The following ASTN1 variants were observed in gnomAD, a reference collection of about 807,000 sequenced individuals.
ASTN1 encodes astrotactin-1.
ASTN1 carries 41 observed loss-of-function variants against 140.7 expected under a neutral mutation model. The observed-to-expected ratio is 0.29, with a 90% CI of 0.23 to 0.38. The LOEUF (loss-of-function observed/expected upper bound fraction) is 0.38. Among genes scored for constraint, ASTN1 ranks in the 10% least tolerant of loss-of-function variants. The pLI is 1.00. For synonymous variants in ASTN1, 640 were observed against 652.2 expected (o/e 0.98, Z 0.29); for missense variants, 1,479 against 1,678.8 (o/e 0.88, Z 2.08).
At chr1:177,072,563 T>C (rs1678694586) in intron 1 of ASTN1, among the ~76,000 whole-genome samples, 1 of 152,194 alleles carries the variant, frequency 6.6e-6, no homozygotes, top group South Asian at 2.1e-4. Context: ...ACAAGGTCAC[T>C]TGATTGCTAA....
chr1:176,917,991 G>A (rs1557958863), intron 16 of ASTN1, among the ~76,000 whole-genome samples: 1 of 152,092 alleles, frequency 6.6e-6, no homozygotes, highest in South Asian at 2.1e-4. Context: ...AGCTTTTGCA[G>A]TTATAGTACT....
In ASTN1 at chr1:177,085,750, C is replaced by T. The variant is rs748167481; in HGVS notation, c.284-24485G>A. On this transcript the variant is annotated intron_variant, in intron 1 of 22. Transcript: ENST00000361833. ...CAATTGTTGGCACAGAGGAAGCATG[C>T]GTACATGTGTGGTTCCCTGGTTTTC... 6.2e-4 allele frequency among the ~76,000 whole-genome samples: 94 copies of T among 152,156 alleles called. 2 individuals carry two copies. The highest frequency in any genetic ancestry group is 9.8e-4 in the Non-Finnish European group (67 of 68,030).
At chr1:176,984,435 G>A (rs1309169912) in intron 8 of ASTN1, among the ~76,000 whole-genome samples, 2 of 152,186 alleles carry the variant, frequency 1.3e-5, no homozygotes, top group Non-Finnish European at 2.9e-5. Flanking sequence ...TAGTGAGGTT[G>A]CCATCGCACT....
At chr1:177,109,791 C>T (rs560328272) in intron 1 of ASTN1, among the ~76,000 whole-genome samples, 3 of 152,302 alleles carry the variant, frequency 2.0e-5, no homozygotes, top group African/African-American at 7.2e-5. Context: ...GAAGATCTCT[C>T]ATGGGTCCTT....
intron 2 of ASTN1, among the ~76,000 whole-genome samples, chr1:177,044,499 C>T (rs1026430033): frequency 6.6e-6 from 1 of 152,184 alleles, no homozygotes; most frequent in African/African-American, 2.4e-5. Context: ...GGACCTCGGG[C>T]GCAGGCCTGG....
intron 1 of ASTN1, among the ~76,000 whole-genome samples, chr1:177,154,405 G>A (rs77662597): frequency 0.053 from 8,022 of 152,138 alleles, 248 homozygotes; most frequent in Non-Finnish European, 0.061. Flanking sequence ...TTCCTCGGTC[G>A]TACTAACTAT....
chr1:177,159,685 A>G (rs1388934763), intron 1 of ASTN1, among the ~76,000 whole-genome samples: 1 of 152,246 alleles, frequency 6.6e-6, no homozygotes, highest in Non-Finnish European at 1.5e-5. Context: ...AGCTAAAACC[A>G]CATTACCTTC....
chr1:177,074,442 A>G (rs1678791838), intron 1 of ASTN1, among the ~76,000 whole-genome samples: 1 of 152,178 alleles, frequency 6.6e-6, no homozygotes, highest in Non-Finnish European at 1.5e-5. Flanking sequence ...ATCTAAGTCG[A>G]TCTCCTTGAT....
chr1:176,961,634 T>G (rs547622245), intron 9 of ASTN1, among the ~76,000 whole-genome samples: 37 of 152,366 alleles, frequency 2.4e-4, no homozygotes, highest in African/African-American at 7.2e-4. Context: ...TCCCAGCAGC[T>G]TTCTAGTTCA....
At chr1:177,013,611 T>G (rs1258871482) in intron 8 of ASTN1, among the ~76,000 whole-genome samples, 1 of 152,196 alleles carries the variant, frequency 6.6e-6, no homozygotes, top group Non-Finnish European at 1.5e-5. Flanking sequence ...GGCAGATCAT[T>G]GACCTCAGGG....
chr1:177,032,348 A>G (rs958056081), intron 3 of ASTN1, 108 bp downstream of exon 3: 15 of 1,438,292 alleles, frequency 1.0e-5, no homozygotes, highest in Admixed American at 1.9e-5. Flanking sequence ...GCACTGCCAC[A>G]TCACACTATG....
chr1:176,911,388 G>A (rs1557953498), intron 16 of ASTN1, among the ~76,000 whole-genome samples: 1 of 151,982 alleles, frequency 6.6e-6, no homozygotes, highest in Non-Finnish European at 1.5e-5. Context: ...CTTACTATAA[G>A]TTTTTTACTT....
intron 14 of ASTN1, among the ~76,000 whole-genome samples, chr1:176,937,681 T>C (rs970998298): frequency 1.8e-4 from 28 of 152,218 alleles, no homozygotes; most frequent in Non-Finnish European, 3.1e-4. Context: ...TATAGGAATA[T>C]ATACACACAA....
chr1:177,029,298 C>T (rs1676298067), intron 5 of ASTN1: 3 of 514,418 alleles, frequency 5.8e-6, no homozygotes, highest in East Asian at 5.5e-5. Flanking sequence ...TCACATACAA[C>T]ACACTTTATT....
At chr1:176,962,607 T>C (rs1450727044) in intron 9 of ASTN1, among the ~76,000 whole-genome samples, 1 of 152,180 alleles carries the variant, frequency 6.6e-6, no homozygotes, top group African/African-American at 2.4e-5. Flanking sequence ...CAGTATATTA[T>C]AGGCATTTGC....
intron 2 of ASTN1, among the ~76,000 whole-genome samples, chr1:177,045,468 T>A (rs999760183): frequency 2.4e-4 from 37 of 152,204 alleles, no homozygotes; most frequent in Admixed American, 1.6e-3. Flanking sequence ...AAAATCCCTC[T>A]TCCTTCTTTT....
At chr1:177,065,189 C>T (rs989583112) in intron 1 of ASTN1, among the ~76,000 whole-genome samples, 3 of 152,090 alleles carry the variant, frequency 2.0e-5, no homozygotes, top group African/African-American at 4.8e-5. Context: ...CTCAAGATAC[C>T]ACAGGTGGCA....
At chr1:176,894,541 C>T in intron 17 of ASTN1, 21 bp downstream of exon 17, 1 of 1,610,742 alleles carries the variant, frequency 6.2e-7, no homozygotes. Flanking sequence ...CTCCCAGAGC[C>T]AAGAGTCCCA....
chr1:176,882,704 C>T (rs1325709970), intron 20 of ASTN1, among the ~76,000 whole-genome samples, 155 bp downstream of exon 20: 1 of 152,092 alleles, frequency 6.6e-6, no homozygotes, highest in Non-Finnish European at 1.5e-5. Context: ...TCTAAGTACT[C>T]GAGAACATTC....
Sources: allele counts gnomAD v4.1 joint callset (sites outside exome capture counted in the v4.1 genomes callset), GRCh38; gene constraint gnomAD v4.1.1; transcripts MANE v1.5; gene names NCBI Gene and HGNC (gene_info 2026-07-23, HGNC 2026-07-21).